Variants in DMPK observed in about 807,000 individuals in gnomAD.
DMPK encodes DM1 protein kinase, also known as myotonin-protein kinase.
DMPK carries 32 observed loss-of-function variants against 70.3 expected under a neutral mutation model. The ratio of observed to expected loss-of-function variants is 0.46; its 90% CI spans 0.34 to 0.61. The LOEUF is 0.61. DMPK is among the 20% of genes least tolerant of loss of function. DMPK has a pLI of 0.01. For missense variants in DMPK, 899 were observed against 886.0 expected (o/e 1.01, Z -0.19); for synonymous variants, 469 against 390.9 (o/e 1.20, Z -2.36).
intron 4 of DMPK, 166 bp downstream of exon 4, chr19:45,779,097 AG>A: frequency 1.5e-6 from 1 of 678,460 alleles, no homozygotes; most frequent in Non-Finnish European, 2.6e-6. Context: ...CGTCTCAGAT[AG>A]GGAAGGCCCC....
At chr19:45,771,502 G>A (rs1399645517) in intron 12 of DMPK, 66 bp downstream of exon 12, 11 of 1,610,372 alleles carry the variant, frequency 6.8e-6, no homozygotes, top group Admixed American at 3.4e-5. Flanking sequence ...GTCTATACAC[G>A]CCCCGCGGAG....
rs978381990 is a variant in DMPK, at chr19:45,769,804, G to A, written c.*684C>T. 4.8e-6 allele frequency: 1 copy of A among 209,982 alleles called. No individual in the cohort carries two copies. The highest frequency in any genetic ancestry group is 9.7e-6 in the Non-Finnish European group (1 of 102,596). 13.0% of individuals were successfully genotyped at this position (209,982 alleles called of 1,614,324 possible). On this transcript the variant is annotated 3_prime_UTR_variant, in exon 15 of 15. Coordinates refer to ENST00000291270, the MANE Select transcript of DMPK (RefSeq NM_004409.5). The stretch of plus-strand genomic sequence containing the variant: ...GACAATAAATACCGAGGAATGTCGG[G>A]GTCTCAGTGCATCCAAAACGTGGAT...
Position 45,782,460 on chromosome 19 carries a change from G to A in DMPK, c.-108C>T. The stretch of plus-strand genomic sequence containing the variant: ...GCCCTGGAGCCCTGGCTGCATGTCT[G>A]CCTGTCCCTGGCTGTCCCCTGGGCC... On this transcript the variant is annotated 5_prime_UTR_variant, in exon 1 of 15. Transcript: ENST00000291270. 1.6e-6 allele frequency: 2 copies of A among 1,288,798 alleles called. No homozygotes were observed. The highest frequency in any genetic ancestry group is 2.1e-6 in the Non-Finnish European group (2 of 971,502). The allele number at this position is 1,288,798 out of a possible 1,614,324, so 79.8% of individuals were successfully genotyped here.
chr19:45,771,968 T>C (rs1423298102), intron 10 of DMPK, 40 bp from the exon 11 acceptor site: 3 of 1,521,816 alleles, frequency 2.0e-6, no homozygotes, highest in Admixed American at 2.1e-5. Flanking sequence ...CTGTGGCTCC[T>C]GGAAGACTCA....
At position 45,777,162 on chromosome 19, in the gene DMPK, TA is replaced by T; in HGVS notation, c.1146+164del. The T allele has an allele frequency of 1.0e-6, 1 of 968,426 alleles. No individual in the cohort carries two copies. Among genetic ancestry groups the T allele is most frequent in the Non-Finnish European group, 1.5e-6 (1 of 680,838 alleles). The allele number at this position is 968,426 out of a possible 1,614,324, so 60.0% of individuals were successfully genotyped here. The stretch of plus-strand genomic sequence containing the variant: ...TGCTCTGTGTTCCCCCACTGGACTG[TA>T]AGTCTAGGTCACTGCTGGGTCCTCA... On this transcript the variant is annotated intron_variant, in intron 8 of 14. Transcript: ENST00000291270. The surrounding 1 kb of genome is among the most constrained non-coding windows in gnomAD (Gnocchi z 6.7).
Position 45,775,039 on chromosome 19 carries a change from G to A in DMPK, c.1147-5C>T, listed in dbSNP as rs201744975. 2.0e-3 allele frequency: 3,149 copies of A among 1,611,774 alleles called. 6 individuals carry two copies. Among genetic ancestry groups the A allele is most frequent in the Non-Finnish European group, 2.4e-3 (2,784 of 1,178,604 alleles). On this transcript the variant is annotated splice_polypyrimidine_tract_variant and splice_region_variant and intron_variant, in intron 8 of 14. Transcript: ENST00000291270. Reference sequence around the variant, plus strand: ...CCGAATGTCCGACAGTGTCTCCTGCGCAAGACACACAGATGTGAGCAGCAG... The same window carrying A: ...CCGAATGTCCGACAGTGTCTCCTGCACAAGACACACAGATGTGAGCAGCAG...
rs1255489583 is a variant in DMPK at position 45,782,278 on chromosome 19, C to G, written c.75G>C (p.Leu25=). 1 of 1,603,348 alleles carries G rather than the reference C, an allele frequency of 6.2e-7. No homozygotes were observed. Among genetic ancestry groups the G allele is most frequent in the South Asian group, 1.1e-5 (1 of 89,446 alleles). The change falls in exon 1 of 15, where the codon CTG becomes CTC. Residue 25 remains leucine (L), a synonymous_variant. Transcript: ENST00000291270. The part of the protein sequence containing the change: ...LDPGFLGLEP[L]LDLLLGVHQE... ...GGTGGACGCCCAGGAGAAGGTCGAG[C>G]AGGGGCTCCAGCCCCAGGAAGCCCG...
intron 8 of DMPK, chr19:45,776,643 G>A (rs2146244991): frequency 6.5e-6 from 1 of 152,692 alleles, no homozygotes. Flanking sequence ...CATTTTTGTA[G>A]AGACGGGGGT....
Position 45,779,837 on chromosome 19 carries a change from G to C in DMPK, c.193C>G (p.Arg65Gly). Residue 65 changes from arginine to glycine, a missense_variant, in exon 2 of 15, where the codon CGA (arginine) becomes GGA (glycine). Physicochemically the swap from Arg to Gly is moderately radical, Grantham distance 125. This residue lies in a region of DMPK where 149 missense variants were observed against 142.5 expected (regional missense o/e 1.05). Transcript: ENST00000291270. The stretch of plus-strand genomic sequence containing the variant: ...ATCTCGAAGTCGTCCCTCTGCAGTC[G>C]GACCTCCTTAAGCCTCACCACGATG... ...EPIVVRLKEVRLQRDDFEILK... is the reference protein window; with the variant it reads ...EPIVVRLKEVGLQRDDFEILK... The C allele has an allele frequency of 1.3e-6, 2 of 1,599,910 alleles. No individual in the cohort carries two copies. Among genetic ancestry groups the C allele is most frequent in the South Asian group, 1.1e-5 (1 of 89,972 alleles).
chr19:45,773,697 C>A (rs529183986), intron 9 of DMPK, among the ~76,000 whole-genome samples: 122 of 152,308 alleles, frequency 8.0e-4, no homozygotes, highest in African/African-American at 2.9e-3. Context: ...GTTGCCTAGG[C>A]TGGAATCTAT....
intron 4 of DMPK, 25 bp from the exon 5 acceptor site, chr19:45,778,666 G>GTTGGTAGT (rs1376981939): frequency 6.2e-7 from 1 of 1,609,738 alleles, no homozygotes; most frequent in African/African-American, 1.3e-5. Context: ...GTCATGGGTG[G>GTTGGTAGT]TTGGTAGTCC....
intron 13 of DMPK, 91 bp from the exon 14 acceptor site, chr19:45,771,151 A>C: frequency 8.3e-7 from 1 of 1,207,550 alleles, no homozygotes; most frequent in Non-Finnish European, 1.2e-6. Flanking sequence ...GAGGTTGGGG[A>C]GGTTATCTAG....
At chr19:45,778,344 TC>T (rs1969897668) in intron 5 of DMPK, 124 bp from the exon 6 acceptor site, 3 of 1,355,566 alleles carry the variant, frequency 2.2e-6, no homozygotes, top group Non-Finnish European at 3.1e-6. Context: ...CTGTAGGGCT[TC>T]TACAGTTCTG....
At chr19:45,778,270 G>A in intron 5 of DMPK, 50 bp from the exon 6 acceptor site, 1 of 1,546,108 alleles carries the variant, frequency 6.5e-7, no homozygotes, top group Non-Finnish European at 8.8e-7. Context: ...CCCTTCTGTG[G>A]TCCCACCAGG....
At chr19:45,774,843 T>A in intron 9 of DMPK, 106 bp downstream of exon 9, 1 of 847,288 alleles carries the variant, frequency 1.2e-6, no homozygotes, top group Non-Finnish European at 1.9e-6. Flanking sequence ...CCCAAAACAG[T>A]AAGGTTCCAA....
rs369213664 is a variant in DMPK, at chr19:45,779,873, G to C, written c.161-4C>G. 5.6e-6 allele frequency: 9 copies of C among 1,613,342 alleles called. No individual in the cohort carries two copies. The African/African-American group carries it at 8.0e-5, about 14-fold the overall frequency. ...AGCCTCACCACGATGGGCTCCGCTG[G>C]GGGGGTGGTGGGGGAAAAGAACCGA... On this transcript the variant is annotated splice_region_variant and splice_polypyrimidine_tract_variant and intron_variant, in intron 1 of 14. Transcript: ENST00000291270.
At chr19:45,771,468 G>T in intron 12 of DMPK, 72 bp from the exon 13 acceptor site, 1 of 1,609,776 alleles carries the variant, frequency 6.2e-7, no homozygotes, top group East Asian at 2.2e-5. Context: ...GTGCCCCAGC[G>T]TGGGTCCCTT....
intron 9 of DMPK, 43 bp from the exon 10 acceptor site, chr19:45,772,795 A>G: frequency 8.2e-7 from 1 of 1,223,758 alleles, no homozygotes; most frequent in Non-Finnish European, 1.1e-6. Flanking sequence ...CAGAATGCTG[A>G]TTCTCTGGTG....
At chr19:45,778,056 G>T in intron 6 of DMPK, 71 bp downstream of exon 6, 1 of 1,380,792 alleles carries the variant, frequency 7.2e-7, no homozygotes, top group Non-Finnish European at 1.0e-6. Flanking sequence ...ATCCAGTCCC[G>T]CTCCCACACT....
Sources: allele counts gnomAD v4.1 joint callset (sites outside exome capture counted in the v4.1 genomes callset), GRCh38; gene constraint gnomAD v4.1.1; regional missense constraint gnomAD v4.1.1; non-coding constraint Gnocchi (gnomAD v3.1); transcripts MANE v1.5; gene names NCBI Gene and HGNC (gene_info 2026-07-23, HGNC 2026-07-21).